The following QTMAN variants were observed in gnomAD, a reference collection of about 807,000 sequenced individuals.
QTMAN encodes the protein tRNA-queuosine alpha-mannosyltransferase.
At chr2:144,330,210 A>C in the QTMAN span, among the ~76,000 whole-genome samples, 2 of 152,334 alleles carry the variant, frequency 1.3e-5, no homozygotes, top group East Asian at 1.9e-4. Context: ...ATAAGATTAT[A>C]ATACCGTATT....
At chr2:144,146,076 C>A in the QTMAN span, among the ~76,000 whole-genome samples, 6 of 115,040 alleles carry the variant, frequency 5.2e-5, no homozygotes, top group Admixed American at 9.5e-5. Context: ...ACAAATGGAA[C>A]AAAGATAAGA....
At chr2:144,276,870 T>G in the QTMAN span, among the ~76,000 whole-genome samples, 1 of 152,198 alleles carries the variant, frequency 6.6e-6, no homozygotes, top group Admixed American at 6.5e-5. Context: ...TTCATACACT[T>G]ACAGAACTTT....
At chr2:144,124,380 T>C in the QTMAN span, among the ~76,000 whole-genome samples, 2 of 152,198 alleles carry the variant, frequency 1.3e-5, no homozygotes, top group African/African-American at 4.8e-5. Flanking sequence ...TTATAATACC[T>C]AACATATTAG....
the QTMAN span, among the ~76,000 whole-genome samples, chr2:144,174,620 G>A: frequency 6.6e-6 from 1 of 152,090 alleles, no homozygotes; most frequent in Non-Finnish European, 1.5e-5. Flanking sequence ...GTTGTGGGAG[G>A]GACCCAGTGG....
chr2:143,988,011 A>G, the QTMAN span, among the ~76,000 whole-genome samples: 1 of 152,176 alleles, frequency 6.6e-6, no homozygotes, highest in Non-Finnish European at 1.5e-5. Context: ...AGTTTGATGG[A>G]AGAGTGACCA....
chr2:144,311,693 A>T, the QTMAN span, among the ~76,000 whole-genome samples: 1 of 152,206 alleles, frequency 6.6e-6, no homozygotes, highest in South Asian at 2.1e-4. Context: ...TTCAAGATCC[A>T]GCCCAAAGTT....
chr2:144,126,733 G>A, the QTMAN span, among the ~76,000 whole-genome samples: 70 of 152,110 alleles, frequency 4.6e-4, no homozygotes, highest in Admixed American at 4.5e-3. Flanking sequence ...ATAATGTTAA[G>A]TGGGGGTTTA....
chr2:144,033,844 C>T, the QTMAN span, among the ~76,000 whole-genome samples: 172 of 152,294 alleles, frequency 1.1e-3, no homozygotes, highest in African/African-American at 4.0e-3. Flanking sequence ...TCCTATCACT[C>T]AGGAAACTCC....
chr2:144,189,650 T>C, the QTMAN span, among the ~76,000 whole-genome samples: 1 of 151,960 alleles, frequency 6.6e-6, no homozygotes, highest in Non-Finnish European at 1.5e-5. Context: ...AGAGTTTCAC[T>C]CTGTCACCGA....
chr2:144,153,328 GAAAT>G, the QTMAN span, among the ~76,000 whole-genome samples: 9 of 152,072 alleles, frequency 5.9e-5, no homozygotes, highest in Admixed American at 1.3e-4. Context: ...AGAAGATAAA[GAAAT>G]AAATAAAGTA....
the QTMAN span, among the ~76,000 whole-genome samples, chr2:144,273,114 C>G: frequency 1.6e-4 from 25 of 152,170 alleles, no homozygotes; most frequent in African/African-American, 5.8e-4. Flanking sequence ...CTTCAGAAAG[C>G]TCCAGCGCTT....
chr2:143,973,000 T>G, the QTMAN span, among the ~76,000 whole-genome samples: 2 of 152,248 alleles, frequency 1.3e-5, no homozygotes, highest in Non-Finnish European at 2.9e-5. Context: ...ATTGAGTTGG[T>G]AATTATTTTA....
chr2:144,249,215 G>A, the QTMAN span, among the ~76,000 whole-genome samples: 1 of 152,086 alleles, frequency 6.6e-6, no homozygotes, highest in Non-Finnish European at 1.5e-5. Context: ...ACTTTTCTGG[G>A]CAAAACCAGA....
At chr2:144,038,708 T>C in the QTMAN span, among the ~76,000 whole-genome samples, 39 of 152,294 alleles carry the variant, frequency 2.6e-4, no homozygotes, top group African/African-American at 9.1e-4. Flanking sequence ...CCTGTGGACT[T>C]ACCACATACA....
chr2:144,217,059 T>C, the QTMAN span, among the ~76,000 whole-genome samples: 1 of 152,188 alleles, frequency 6.6e-6, no homozygotes, highest in African/African-American at 2.4e-5. Flanking sequence ...AAAGATGGCT[T>C]TTCTCCAGAA....
At chr2:144,112,690 G>A in the QTMAN span, among the ~76,000 whole-genome samples, 10 of 152,280 alleles carry the variant, frequency 6.6e-5, no homozygotes, top group Admixed American at 5.9e-4. Flanking sequence ...CTGTATCAAG[G>A]TATTTCTCCA....
the QTMAN span, among the ~76,000 whole-genome samples, chr2:144,093,762 A>G: frequency 6.6e-6 from 1 of 152,164 alleles, no homozygotes; most frequent in Non-Finnish European, 1.5e-5. Context: ...GGATTGCTCT[A>G]AGGGAAGCAA....
chr2:144,278,442 T>C, the QTMAN span, among the ~76,000 whole-genome samples: 2 of 152,074 alleles, frequency 1.3e-5, no homozygotes, highest in African/African-American at 4.8e-5. Context: ...CAAGGCAACA[T>C]TTATTACAAA....
the QTMAN span, chr2:144,177,381 T>A: frequency 1.8e-6 from 1 of 571,304 alleles, no homozygotes; most frequent in East Asian, 2.8e-5. Context: ...CAATTGGAGA[T>A]GAAGACCAAC....
Sources: gnomAD v4.1 joint callset for allele counts (sites outside exome capture counted in the v4.1 genomes callset) on GRCh38, gnomAD v4.1.1 for gene constraint, MANE v1.5 for transcripts, NCBI Gene and HGNC (gene_info 2026-07-23, HGNC 2026-07-21) for gene names.